PIEZO2: variants seen among roughly 807,000 people sequenced by gnomAD.
PIEZO2 encodes piezo-type mechanosensitive ion channel component 2.
In PIEZO2, 172 loss-of-function variants were observed where a neutral mutation model predicts 337.3. That is an observed-to-expected ratio of 0.51 (90% CI 0.45 to 0.58). PIEZO2 has a LOEUF of 0.58. Among genes scored for constraint, PIEZO2 ranks in the 20% least tolerant of loss-of-function variants. The pLI, the probability that PIEZO2 is intolerant of heterozygous loss-of-function variation, is 0.00. For missense variants in PIEZO2, 3,028 were observed against 3,391.3 expected, an observed-to-expected ratio of 0.89 and a Z score of 2.66; for synonymous variants, 1,251 against 1,228.5, an observed-to-expected ratio of 1.02 and a Z score of -0.38.
In PIEZO2 at chr18:11,143,629, ACACACACACACTCTCTCT is replaced by A. The variant is rs780061084; in HGVS notation, c.64+4878_64+4895del. On this transcript the variant is annotated intron_variant, in intron 1 of 55. Coordinates refer to ENST00000674853, the MANE Select transcript of PIEZO2 (RefSeq NM_001378183.1). This position sits in a 1 kb window ranked among gnomAD's most constrained non-coding sequence, Gnocchi z 4.9. The stretch of plus-strand genomic sequence containing the variant: ...CACACACACACACACACACACACAC[ACACACACACACTCTCTCT>A]CTCTCTCTCTCTCTCTCTCTCTCTC... 1.1e-3 allele frequency among the ~76,000 whole-genome samples: 98 copies of A among 87,120 alleles called. No individual in the cohort carries two copies. The highest frequency in any genetic ancestry group is 1.7e-3 in the Non-Finnish European group (79 of 46,136). 57.2% of individuals were successfully genotyped at this position (87,120 alleles called of 152,430 possible). A position where few individuals can be genotyped will look rare whatever the true frequency, so the allele number is the denominator to read the frequency against.
At chr18:10,818,612 T>C (rs976466295) in intron 7 of PIEZO2, among the ~76,000 whole-genome samples, 11 of 152,288 alleles carry the variant, frequency 7.2e-5, no homozygotes, top group Middle Eastern at 3.4e-3. Flanking sequence ...TACTGAGAAT[T>C]TGCTAAATCA....
chr18:11,040,429 G>A (rs1225478626), intron 2 of PIEZO2, among the ~76,000 whole-genome samples: 1 of 152,094 alleles, frequency 6.6e-6, no homozygotes, highest in Non-Finnish European at 1.5e-5. Flanking sequence ...AACATAATCA[G>A]GGTTTTAACT....
Position 10,853,005 on chromosome 18 carries a change from G to C in PIEZO2, c.917+2348C>G, listed in dbSNP as rs2041600136. ...CAAAACTGGTGATCAACAGTTTCCCGATAAGACTTCAGGAGTTGGGTGAGT... is the reference window on the plus strand; with the variant it reads ...CAAAACTGGTGATCAACAGTTTCCCCATAAGACTTCAGGAGTTGGGTGAGT... On this transcript the variant is annotated intron_variant, in intron 7 of 55. Coordinates refer to ENST00000674853, the MANE Select transcript of PIEZO2 (RefSeq NM_001378183.1). The surrounding 1 kb of genome is among the most constrained non-coding windows in gnomAD (Gnocchi z 4.2). Among the ~76,000 whole-genome samples, 1 of 152,206 alleles carries C rather than the reference G, an allele frequency of 6.6e-6. No homozygotes were observed. Among genetic ancestry groups the C allele is most frequent in the South Asian group, 2.1e-4 (1 of 4,830 alleles).
chr18:10,709,021 G>A (rs1485133597), intron 39 of PIEZO2, among the ~76,000 whole-genome samples: 1 of 152,166 alleles, frequency 6.6e-6, no homozygotes, highest in Non-Finnish European at 1.5e-5. Flanking sequence ...GAGATGCTCT[G>A]CATGTAGTCG....
Position 10,855,229 on chromosome 18 carries a change from C to A in PIEZO2, c.917+124G>T. ...ACTGCTTCACCCACCCCCACAAAAT[C>A]TTTGCTTAACACAGCAATTGCCTGC... On this transcript the variant is annotated intron_variant, in intron 7 of 55. Coordinates refer to ENST00000674853, the MANE Select transcript of PIEZO2 (RefSeq NM_001378183.1). This position sits in a 1 kb window ranked among gnomAD's most constrained non-coding sequence, Gnocchi z 4.9. The A allele has an allele frequency of 1.2e-6, 1 of 832,826 alleles. No homozygotes were observed. The highest frequency in any genetic ancestry group is 1.9e-6 in the Non-Finnish European group (1 of 536,496). The allele number at this position is 832,826 out of a possible 1,614,324, so 51.6% of individuals were successfully genotyped here.
In PIEZO2 at chr18:11,111,142, A is replaced by G. The variant is rs959597079; in HGVS notation, c.64+37383T>C. On this transcript the variant is annotated intron_variant, in intron 1 of 55. Transcript: ENST00000674853. This position sits in a 1 kb window ranked among gnomAD's most constrained non-coding sequence, Gnocchi z 6.2. The stretch of plus-strand genomic sequence containing the variant: ...CTTCTTCAGGCCCAGGAGCAGGAGC[A>G]CTGGGGCTGCCAGCTGCCACAGCCA... 4.6e-5 allele frequency among the ~76,000 whole-genome samples: 7 copies of G among 152,124 alleles called. No individual in the cohort carries two copies. Among genetic ancestry groups the G allele is most frequent in the African/African-American group, 1.7e-4 (7 of 41,446 alleles).
intron 3 of PIEZO2, among the ~76,000 whole-genome samples, chr18:10,920,274 T>C (rs776790174): frequency 6.6e-6 from 1 of 151,840 alleles, no homozygotes; most frequent in African/African-American, 2.4e-5. Context: ...TAAGAGAGAG[T>C]GTGCATAGCG....
chr18:10,901,176 G>A (rs2043037063), intron 4 of PIEZO2, among the ~76,000 whole-genome samples: 1 of 152,112 alleles, frequency 6.6e-6, no homozygotes, highest in South Asian at 2.1e-4. Context: ...CTGATTCTCT[G>A]GTGTTTTCCA....
intron 3 of PIEZO2, among the ~76,000 whole-genome samples, chr18:10,965,510 C>A (rs1159670287): frequency 6.6e-6 from 1 of 152,126 alleles, no homozygotes; most frequent in Non-Finnish European, 1.5e-5. Context: ...TTATGGTGCT[C>A]TTTTAAAAAA....
At position 10,848,588 on chromosome 18, in the gene PIEZO2, C is replaced by G. The variant is rs529629666; in HGVS notation, c.917+6765G>C. Among the ~76,000 whole-genome samples the G allele has an allele frequency of 1.7e-4, 26 of 152,260 alleles. 1 individual carries two copies. In the East Asian group the frequency reaches 2.7e-3, roughly 16 times the overall value. On this transcript the variant is annotated intron_variant, in intron 7 of 55. Coordinates refer to ENST00000674853, the MANE Select transcript of PIEZO2 (RefSeq NM_001378183.1). ...GAGAATCTTTCCCATTCCTTCCCACCCTTCATTTTGAAACCTCACAATGTA... is the reference window on the plus strand; with the variant it reads ...GAGAATCTTTCCCATTCCTTCCCACGCTTCATTTTGAAACCTCACAATGTA...
chr18:10,930,418 T>A (rs1256348982), intron 3 of PIEZO2, among the ~76,000 whole-genome samples: 1 of 152,220 alleles, frequency 6.6e-6, no homozygotes, highest in Admixed American at 6.5e-5. Context: ...AATCTTTAAA[T>A]CCACCTATGA....
Position 10,903,828 on chromosome 18 carries a change from A to C in PIEZO2, c.329+7358T>G, listed in dbSNP as rs757893674. Among the ~76,000 whole-genome samples the C allele has an allele frequency of 6.6e-6, 1 of 152,082 alleles. No homozygotes were observed. The highest frequency in any genetic ancestry group is 1.5e-5 in the Non-Finnish European group (1 of 68,004). On this transcript the variant is annotated intron_variant, in intron 4 of 55. Transcript: ENST00000674853. The surrounding 1 kb of genome is among the most constrained non-coding windows in gnomAD (Gnocchi z 4.1). ...GAATGCCAATGAAGCCATTCTTCAA[A>C]ACTCTGCCCAGATGTTCCCTGAAGT...
At chr18:10,936,612 G>T (rs1424407224) in intron 3 of PIEZO2, among the ~76,000 whole-genome samples, 7 of 152,148 alleles carry the variant, frequency 4.6e-5, no homozygotes, top group Non-Finnish European at 1.0e-4. Context: ...CAGATAAGTT[G>T]TAAGAGTTCT....
intron 8 of PIEZO2, among the ~76,000 whole-genome samples, chr18:10,805,891 G>T (rs553270606): frequency 6.6e-6 from 1 of 152,370 alleles, no homozygotes; most frequent in South Asian, 2.1e-4. Flanking sequence ...GCTTCTGTCA[G>T]GGATGACCGG....
chr18:10,883,533 G>T (rs2042484184), intron 4 of PIEZO2, among the ~76,000 whole-genome samples: 1 of 152,112 alleles, frequency 6.6e-6, no homozygotes, highest in African/African-American at 2.4e-5. Flanking sequence ...CTATACATTA[G>T]AGAAATACAT....
At chr18:10,852,073 A>C (rs532658696) in intron 7 of PIEZO2, among the ~76,000 whole-genome samples, 1 of 152,220 alleles carries the variant, frequency 6.6e-6, no homozygotes, top group Admixed American at 6.5e-5. Flanking sequence ...ACTTTTTGCT[A>C]TATGTGTTCA....
At chr18:10,680,549 G>A (rs767623388) in intron 51 of PIEZO2, among the ~76,000 whole-genome samples, 178 bp from the exon 52 acceptor site, 3 of 152,150 alleles carry the variant, frequency 2.0e-5, no homozygotes, top group Non-Finnish European at 4.4e-5. Flanking sequence ...CTTACCCACA[G>A]GTATGGGCAG....
chr18:11,032,013 A>G lies in PIEZO2; in HGVS notation c.160+34114T>C, dbSNP rs2036758073. Among the ~76,000 whole-genome samples, 1 of 152,050 alleles carries G rather than the reference A, an allele frequency of 6.6e-6. No homozygotes were observed. The highest frequency in any genetic ancestry group is 1.5e-5 in the Non-Finnish European group (1 of 68,008). The stretch of plus-strand genomic sequence containing the variant: ...CACATACGCATACACACAGATATTT[A>G]CTGCTGATTCCAATGACGATGGCAA... On this transcript the variant is annotated intron_variant, in intron 2 of 55. Coordinates refer to ENST00000674853, the MANE Select transcript of PIEZO2 (RefSeq NM_001378183.1). The surrounding 1 kb of genome is among the most constrained non-coding windows in gnomAD (Gnocchi z 4.9).
intron 16 of PIEZO2, among the ~76,000 whole-genome samples, chr18:10,786,333 G>A (rs2039224042): frequency 6.6e-6 from 1 of 152,196 alleles, no homozygotes; most frequent in South Asian, 2.1e-4. Flanking sequence ...CATATTCCAG[G>A]CACAAAACAG....
Sources: allele counts gnomAD v4.1 joint callset (sites outside exome capture counted in the v4.1 genomes callset), GRCh38; gene constraint gnomAD v4.1.1; non-coding constraint Gnocchi (gnomAD v3.1); transcripts MANE v1.5; gene names NCBI Gene and HGNC (gene_info 2026-07-23, HGNC 2026-07-21).